The following LIMD1 variants were observed in gnomAD, a reference collection of about 807,000 sequenced individuals.
LIMD1 encodes LIM domain containing 1, also known as LIM domain-containing protein 1.
LIMD1 carries 23 observed loss-of-function variants against 58.4 expected under a neutral mutation model. The observed-to-expected ratio is 0.39, with a 90% CI of 0.28 to 0.56. The LOEUF (loss-of-function observed/expected upper bound fraction) is 0.56, where lower values mean the gene tolerates loss of function less well. Ranked by LOEUF, LIMD1 falls within the 20% of genes least tolerant of loss-of-function variation. The probability of loss-of-function intolerance (pLI) is 0.57; values close to 1 mark genes in which losing one functional copy is unlikely to be tolerated. For synonymous variants in LIMD1, 334 were observed against 345.5 expected (o/e 0.97, Z 0.37); for missense variants, 838 against 855.5 (o/e 0.98, Z 0.25).
chr3:45,659,326 G>T (rs879507858), intron 2 of LIMD1, among the ~76,000 whole-genome samples: 8 of 152,076 alleles, frequency 5.3e-5, no homozygotes, highest in Admixed American at 2.0e-4. Context: ...TTCAGTCTGG[G>T]TGCAGTAGTT....
At chr3:45,612,944 GAAGTCGAA>G (rs1316434584) in intron 1 of LIMD1, 2 of 152,206 alleles carry the variant, frequency 1.3e-5, no homozygotes, top group African/African-American at 4.8e-5. Context: ...CTTCCCAGCT[GAAGTCGAA>G]CAAGGCAACG....
chr3:45,617,150 C>T (rs1056392739), intron 1 of LIMD1, among the ~76,000 whole-genome samples: 1 of 151,726 alleles, frequency 6.6e-6, no homozygotes, highest in East Asian at 1.9e-4. Context: ...TCTCCTGCCT[C>T]GGCCTCCCTA....
chr3:45,675,523 C>T (rs1043389741), intron 7 of LIMD1, among the ~76,000 whole-genome samples: 2 of 150,706 alleles, frequency 1.3e-5, no homozygotes, highest in African/African-American at 2.5e-5. Context: ...AGCAAGACTC[C>T]GTCTCAAAAA....
intron 1 of LIMD1, among the ~76,000 whole-genome samples, chr3:45,597,284 C>T (rs1701367412): frequency 6.6e-6 from 1 of 152,154 alleles, no homozygotes; most frequent in South Asian, 2.1e-4. Flanking sequence ...GGATGGGACC[C>T]AGCCAGCCGT....
At chr3:45,604,953 C>G (rs1017747144) in intron 1 of LIMD1, among the ~76,000 whole-genome samples, 1 of 152,250 alleles carries the variant, frequency 6.6e-6, no homozygotes, top group African/African-American at 2.4e-5. Context: ...TTGACATGAT[C>G]ATTCTTGCCA....
At chr3:45,670,051 G>C (rs954584123) in intron 4 of LIMD1, among the ~76,000 whole-genome samples, 1 of 152,126 alleles carries the variant, frequency 6.6e-6, no homozygotes, top group African/African-American at 2.4e-5. Context: ...GTCCTCATTA[G>C]TAGCCAAGAC....
Sources: allele counts gnomAD v4.1 joint callset (sites outside exome capture counted in the v4.1 genomes callset), GRCh38; gene constraint gnomAD v4.1.1; transcripts MANE v1.5; gene names NCBI Gene and HGNC (gene_info 2026-07-23, HGNC 2026-07-21).